The following BTBD9 variants were observed in gnomAD, a reference collection of about 807,000 sequenced individuals.
BTBD9 encodes the protein BTB domain containing 9, also known as BTB/POZ domain-containing protein 9.
In BTBD9, 49 loss-of-function variants were observed where a neutral mutation model predicts 64.3. The observed-to-expected ratio is 0.76, with a 90% CI of 0.61 to 0.97. The LOEUF (loss-of-function observed/expected upper bound fraction) is 0.97, where lower values mean the gene tolerates loss of function less well. Ranked by LOEUF, BTBD9 falls within the 50% of genes least tolerant of loss-of-function variation. The pLI, the probability that BTBD9 is intolerant of heterozygous loss-of-function variation, is 0.00. For synonymous variants in BTBD9, 260 were observed against 274.7 expected (o/e 0.95, Z 0.53); for missense variants, 598 against 762.1 (o/e 0.78, Z 2.53).
chr6:38,559,866 G>A (rs980379547), intron 6 of BTBD9, among the ~76,000 whole-genome samples: 14 of 152,142 alleles, frequency 9.2e-5, no homozygotes, highest in Admixed American at 6.6e-4. Context: ...GGGATAACTG[G>A]CTGGTCATAT....
intron 8 of BTBD9, among the ~76,000 whole-genome samples, chr6:38,266,098 C>A (rs1209652579): frequency 6.6e-6 from 1 of 152,228 alleles, no homozygotes; most frequent in South Asian, 2.1e-4. Flanking sequence ...AGCACATTTC[C>A]TGCTTTCAAC....
intron 7 of BTBD9, among the ~76,000 whole-genome samples, chr6:38,302,412 A>C (rs1295168630): frequency 1.3e-5 from 2 of 149,212 alleles, no homozygotes; most frequent in African/African-American, 4.9e-5. Context: ...AATTATCTCC[A>C]GGTTCTTCCA....
In BTBD9 at chr6:38,314,110, C is replaced by G. The variant is rs567345520; in HGVS notation, c.1265-25649G>C. On this transcript the variant is annotated intron_variant, in intron 7 of 10. Coordinates refer to ENST00000481247, the MANE Select transcript of BTBD9 (RefSeq NM_001099272.2). Reference sequence around the variant, plus strand: ...ATTTATGTATTTCAAATACAAAATACTAGCAACATCACATTTGTTGTTTGT... The same window carrying G: ...ATTTATGTATTTCAAATACAAAATAGTAGCAACATCACATTTGTTGTTTGT... Among the ~76,000 whole-genome samples the G allele has an allele frequency of 2.0e-5, 3 of 147,938 alleles. No homozygotes were observed. In the South Asian group the frequency reaches 6.5e-4, roughly 32 times the overall value.
intron 6 of BTBD9, among the ~76,000 whole-genome samples, chr6:38,508,751 C>T (rs1772648633): frequency 6.6e-6 from 1 of 152,140 alleles, no homozygotes; most frequent in Non-Finnish European, 1.5e-5. Context: ...ATGTTCCACC[C>T]ACAAAAAACT....
At chr6:38,300,374 GT>G (rs761628745) in intron 7 of BTBD9, among the ~76,000 whole-genome samples, 1 of 152,094 alleles carries the variant, frequency 6.6e-6, no homozygotes, top group African/African-American at 2.4e-5. Context: ...CTTTAAAGTA[GT>G]TTTTTTCCAA....
intron 9 of BTBD9, among the ~76,000 whole-genome samples, chr6:38,248,615 T>C (rs1337084053): frequency 2.0e-5 from 3 of 151,672 alleles, no homozygotes; most frequent in Non-Finnish European, 4.4e-5. Context: ...ACACGAAAGG[T>C]AAGGAAAATG....
intron 6 of BTBD9, among the ~76,000 whole-genome samples, chr6:38,371,075 A>G (rs1467842866): frequency 1.3e-5 from 2 of 152,268 alleles, no homozygotes; most frequent in East Asian, 3.9e-4. Flanking sequence ...CATGTTTATC[A>G]TCCAGGACTT....
intron 9 of BTBD9, among the ~76,000 whole-genome samples, chr6:38,206,309 G>A (rs755557479): frequency 6.6e-6 from 1 of 151,734 alleles, no homozygotes; most frequent in African/African-American, 2.4e-5. Flanking sequence ...TCGCCTCCCA[G>A]CTTGGGAGGC....
intron 6 of BTBD9, among the ~76,000 whole-genome samples, chr6:38,544,098 T>C (rs1484160859): frequency 6.6e-6 from 1 of 152,096 alleles, no homozygotes; most frequent in African/African-American, 2.4e-5. Flanking sequence ...CAATCAACTG[T>C]AGATCAAAAA....
intron 7 of BTBD9, among the ~76,000 whole-genome samples, chr6:38,306,736 T>A (rs770447861): frequency 1.3e-5 from 2 of 152,230 alleles, no homozygotes; most frequent in African/African-American, 4.8e-5. Flanking sequence ...TATTTAAAGA[T>A]AAGACTGACA....
chr6:38,269,268 A>G (rs1236605083), intron 8 of BTBD9, among the ~76,000 whole-genome samples: 2 of 152,224 alleles, frequency 1.3e-5, no homozygotes, highest in Non-Finnish European at 1.5e-5. Context: ...TCTTATAAAC[A>G]AAAGATAATT....
At chr6:38,377,988 C>T (rs1204160480) in intron 6 of BTBD9, among the ~76,000 whole-genome samples, 4 of 152,134 alleles carry the variant, frequency 2.6e-5, no homozygotes, top group African/African-American at 7.2e-5. Context: ...TCCTGCTCTA[C>T]TCACCCTTCA....
intron 8 of BTBD9, among the ~76,000 whole-genome samples, chr6:38,287,082 C>CAA (rs60618390): frequency 0.028 from 706 of 24,774 alleles, 21 homozygotes; most frequent in Non-Finnish European, 0.031. Flanking sequence ...GGCTCCATCT[C>CAA]AAAAAAAAAA....
intron 9 of BTBD9, among the ~76,000 whole-genome samples, chr6:38,205,693 G>T (rs372832181): frequency 6.6e-6 from 1 of 151,678 alleles, no homozygotes; most frequent in South Asian, 2.1e-4. Flanking sequence ...AGACCAGCCT[G>T]GCCAACATGG....
At chr6:38,605,683 T>C (rs547175855) in intron 1 of BTBD9, among the ~76,000 whole-genome samples, 1 of 152,274 alleles carries the variant, frequency 6.6e-6, no homozygotes, top group Non-Finnish European at 1.5e-5. Flanking sequence ...CCTGGCATGG[T>C]GGTGTGCATC....
At chr6:38,205,870 A>C (rs1264523518) in intron 9 of BTBD9, among the ~76,000 whole-genome samples, 1 of 134,738 alleles carries the variant, frequency 7.4e-6, no homozygotes, top group East Asian at 2.5e-4. Context: ...AGAGAGCAGG[A>C]GTCTGTCTCA....
chr6:38,603,492 G>A (rs1699021), intron 1 of BTBD9, among the ~76,000 whole-genome samples: 12,831 of 152,210 alleles, frequency 0.084, 1,397 homozygotes, highest in African/African-American at 0.25. Flanking sequence ...ATGCTGGAAC[G>A]TTATAATTGC....
chr6:38,271,670 T>C (rs190411196), intron 8 of BTBD9, among the ~76,000 whole-genome samples: 2 of 152,278 alleles, frequency 1.3e-5, no homozygotes, highest in East Asian at 3.9e-4. Flanking sequence ...GGAAAAACTT[T>C]ACCAACCCCA....
chr6:38,507,398 T>C (rs1345713492), intron 6 of BTBD9, among the ~76,000 whole-genome samples: 1 of 152,186 alleles, frequency 6.6e-6, no homozygotes, highest in Non-Finnish European at 1.5e-5. Context: ...ACCCCTCCAC[T>C]CCCAGCTACC....
Sources: allele counts gnomAD v4.1 joint callset (sites outside exome capture counted in the v4.1 genomes callset), GRCh38; gene constraint gnomAD v4.1.1; transcripts MANE v1.5; gene names NCBI Gene and HGNC (gene_info 2026-07-23, HGNC 2026-07-21).